The following RBMS3 variants were observed in gnomAD, a reference collection of about 807,000 sequenced individuals.
RBMS3 encodes the protein RNA-binding motif, single-stranded-interacting protein 3.
In RBMS3, 27 loss-of-function variants were observed where a neutral mutation model predicts 66.8. That is an observed-to-expected ratio of 0.40 (90% confidence interval 0.30 to 0.56). The LOEUF (loss-of-function observed/expected upper bound fraction) is 0.56. Ranked by LOEUF, RBMS3 falls within the 20% of genes least tolerant of loss-of-function variation. The pLI, the probability that RBMS3 is intolerant of heterozygous loss-of-function variation, is 0.40. For missense variants in RBMS3, 513 were observed against 549.5 expected, an observed-to-expected ratio of 0.93 and a Z score of 0.66; for synonymous variants, 188 against 183.0, an observed-to-expected ratio of 1.03 and a Z score of -0.22.
chr3:29,477,497 C>G (rs2042987346), intron 2 of RBMS3, among the ~76,000 whole-genome samples: 1 of 151,746 alleles, frequency 6.6e-6, no homozygotes, highest in Non-Finnish European at 1.5e-5. Context: ...ATGCTCTGCT[C>G]TTGAAGAACT....
At chr3:29,763,426 T>C (rs958262765) in intron 6 of RBMS3, among the ~76,000 whole-genome samples, 2 of 152,072 alleles carry the variant, frequency 1.3e-5, no homozygotes, top group Non-Finnish European at 2.9e-5. Context: ...AGAAAGCATT[T>C]AGAAACTAGT....
chr3:29,328,058 C>T (rs886154671), intron 1 of RBMS3, among the ~76,000 whole-genome samples: 3 of 152,192 alleles, frequency 2.0e-5, no homozygotes, highest in African/African-American at 7.2e-5. Context: ...TTAGGTGGCA[C>T]TTACTCTGAT....
chr3:29,539,891 T>A (rs2045696213), intron 3 of RBMS3, among the ~76,000 whole-genome samples: 1 of 152,232 alleles, frequency 6.6e-6, no homozygotes, highest in Admixed American at 6.5e-5. Context: ...ATCAGTTTAT[T>A]TCTTGAAGAA....
chr3:29,820,776 C>T (rs2058058661), intron 6 of RBMS3, among the ~76,000 whole-genome samples: 1 of 152,008 alleles, frequency 6.6e-6, no homozygotes, highest in African/African-American at 2.4e-5. Flanking sequence ...CAAGAAAGTC[C>T]ACAATAAAAA....
intron 4 of RBMS3, among the ~76,000 whole-genome samples, chr3:29,633,914 CTCA>C (rs2049374917): frequency 6.6e-6 from 1 of 151,836 alleles, no homozygotes; most frequent in East Asian, 1.9e-4. Context: ...ACTCAATAAT[CTCA>C]TCTTTTTTTC....
chr3:29,662,407 A>G (rs546931043), intron 4 of RBMS3, among the ~76,000 whole-genome samples: 14 of 152,326 alleles, frequency 9.2e-5, no homozygotes, highest in Admixed American at 2.0e-4. Context: ...AAAATTGAGC[A>G]TCACCTTATA....
At chr3:29,959,192 C>T (rs1301239340) in intron 12 of RBMS3, among the ~76,000 whole-genome samples, 3 of 152,182 alleles carry the variant, frequency 2.0e-5, no homozygotes, top group Admixed American at 2.0e-4. Context: ...AAGATAATGA[C>T]AATACTCACA....
intron 10 of RBMS3, among the ~76,000 whole-genome samples, chr3:29,930,054 A>G (rs1577178744): frequency 6.7e-6 from 1 of 149,400 alleles, no homozygotes; most frequent in South Asian, 2.1e-4. Context: ...AAAATGTGCT[A>G]TTAGTTGTCG....
chr3:29,873,187 C>T (rs910808908), intron 7 of RBMS3, among the ~76,000 whole-genome samples: 2 of 152,044 alleles, frequency 1.3e-5, no homozygotes, highest in Non-Finnish European at 2.9e-5. Flanking sequence ...GCAGTATGAC[C>T]ATTTTAATGA....
At chr3:29,595,407 A>G (rs1359186398) in intron 4 of RBMS3, among the ~76,000 whole-genome samples, 1 of 151,368 alleles carries the variant, frequency 6.6e-6, no homozygotes, top group Non-Finnish European at 1.5e-5. Context: ...TAAAAAAAAA[A>G]AAAAAAAAGA....
chr3:29,415,429 G>A (rs1166276350), intron 1 of RBMS3, among the ~76,000 whole-genome samples: 1 of 152,144 alleles, frequency 6.6e-6, no homozygotes, highest in Non-Finnish European at 1.5e-5. Context: ...TAATGGTCAG[G>A]GAGACTGTGA....
chr3:29,585,257 A>G (rs910292369), intron 3 of RBMS3, among the ~76,000 whole-genome samples: 3 of 152,152 alleles, frequency 2.0e-5, no homozygotes, highest in African/African-American at 7.2e-5. Context: ...CAACTGCTCC[A>G]TTGACAAATG....
At chr3:29,340,861 T>C (rs1248784882) in intron 1 of RBMS3, among the ~76,000 whole-genome samples, 1 of 152,158 alleles carries the variant, frequency 6.6e-6, no homozygotes, top group Non-Finnish European at 1.5e-5. Context: ...CTTCCTATTA[T>C]ATATATCATT....
chr3:29,928,212 A>ACG (rs2061001383), intron 10 of RBMS3, among the ~76,000 whole-genome samples: 1 of 77,610 alleles, frequency 1.3e-5, no homozygotes, highest in Admixed American at 1.2e-4. Flanking sequence ...ATATATATAT[A>ACG]CACACACACA....
At chr3:29,539,931 G>A (rs927660554) in intron 3 of RBMS3, among the ~76,000 whole-genome samples, 2 of 152,054 alleles carry the variant, frequency 1.3e-5, no homozygotes, top group African/African-American at 4.8e-5. Flanking sequence ...CTTTTTCTTG[G>A]TAGGTTTGCT....
At chr3:29,553,937 T>C (rs1275968490) in intron 3 of RBMS3, among the ~76,000 whole-genome samples, 2 of 152,192 alleles carry the variant, frequency 1.3e-5, no homozygotes, top group Non-Finnish European at 2.9e-5. Flanking sequence ...TGTGAGTTAA[T>C]GTTTGAACAT....
At chr3:29,817,624 T>G (rs2057949445) in intron 6 of RBMS3, among the ~76,000 whole-genome samples, 1 of 152,124 alleles carries the variant, frequency 6.6e-6, no homozygotes, top group African/African-American at 2.4e-5. Context: ...AACATGCATT[T>G]GGGAAAGAAA....
At chr3:29,777,701 G>T (rs922197288) in intron 6 of RBMS3, among the ~76,000 whole-genome samples, 1 of 151,814 alleles carries the variant, frequency 6.6e-6, no homozygotes, top group African/African-American at 2.4e-5. Context: ...TTTTTTTAAA[G>T]AGTATTGACC....
At chr3:29,852,032 C>A (rs2058947684) in intron 6 of RBMS3, among the ~76,000 whole-genome samples, 1 of 152,162 alleles carries the variant, frequency 6.6e-6, no homozygotes, top group Admixed American at 6.5e-5. Context: ...CACACACTTA[C>A]AACTATCTAA....
Sources: allele counts gnomAD v4.1 joint callset (sites outside exome capture counted in the v4.1 genomes callset), GRCh38; gene constraint gnomAD v4.1.1; transcripts MANE v1.5; gene names NCBI Gene and HGNC (gene_info 2026-07-23, HGNC 2026-07-21).